TTC27: variants seen among roughly 807,000 people sequenced by gnomAD.
TTC27 encodes the protein tetratricopeptide repeat protein 27.
Under a neutral mutation model 115.9 loss-of-function variants are expected in TTC27, and 79 were observed. That is an observed-to-expected ratio of 0.68 (90% confidence interval 0.57 to 0.82). The LOEUF is 0.82. TTC27 is among the 40% of genes least tolerant of loss of function. The pLI is 0.00. For missense variants in TTC27, 1,054 were observed against 993.1 expected (o/e 1.06, Z -0.82); for synonymous variants, 401 against 356.0 (o/e 1.13, Z -1.42).
Position 32,640,316 on chromosome 2 carries a change from G to A in TTC27, c.443G>A (p.Gly148Asp). The A allele has an allele frequency of 1.2e-6, 2 of 1,614,064 alleles. No homozygotes were observed. The highest frequency in any genetic ancestry group is 1.7e-6 in the Non-Finnish European group (2 of 1,180,000). ...AFVLSLLTLDGESIYSLTSKP... is the reference protein window; with the variant it reads ...AFVLSLLTLDDESIYSLTSKP... ...GTTCTGAGCCTGCTCACTCTAGATG[G>A]TGAATCAATCTACAGCCTGACCTCG... Residue 148 changes from glycine to aspartate, a missense_variant, in exon 4 of 20, where the codon GGT becomes GAT. By Grantham distance (94) the Gly-to-Asp change is moderately conservative. Coordinates refer to ENST00000317907, the MANE Select transcript of TTC27 (RefSeq NM_017735.5).
intron 5 of TTC27, among the ~76,000 whole-genome samples, chr2:32,653,917 T>TGC (rs1665226545): frequency 2.6e-5 from 4 of 152,354 alleles, no homozygotes; most frequent in Admixed American, 2.6e-4. Flanking sequence ...GAGTTATCTA[T>TGC]CTTCAAAGCT....
intron 3 of TTC27, among the ~76,000 whole-genome samples, chr2:32,638,562 A>G (rs1011240393): frequency 1.3e-5 from 2 of 151,660 alleles, no homozygotes; most frequent in African/African-American, 4.9e-5. Flanking sequence ...TATTTTTAGT[A>G]GAGATGGGGT....
intron 8 of TTC27, among the ~76,000 whole-genome samples, chr2:32,675,723 G>A (rs144369287): frequency 3.9e-5 from 6 of 152,172 alleles, no homozygotes; most frequent in East Asian, 3.9e-4. Context: ...CCCATGAAGA[G>A]GTGACTTAGA....
chr2:32,685,637 T>C (rs997618554), intron 9 of TTC27, among the ~76,000 whole-genome samples: 1 of 152,130 alleles, frequency 6.6e-6, no homozygotes, highest in Non-Finnish European at 1.5e-5. Context: ...AACCAAATGA[T>C]TATCTTAATA....
intron 18 of TTC27, 76 bp from the exon 19 acceptor site, chr2:32,817,381 A>G (rs1245070125): frequency 8.3e-6 from 10 of 1,209,790 alleles, no homozygotes; most frequent in Admixed American, 4.0e-5. Flanking sequence ...AATTCTAATT[A>G]AATAATTGGC....
intron 15 of TTC27, among the ~76,000 whole-genome samples, chr2:32,782,999 C>A (rs1362953567): frequency 6.6e-6 from 1 of 152,108 alleles, no homozygotes; most frequent in Admixed American, 6.5e-5. Context: ...ACTCAGTTGA[C>A]AGTTATTTTT....
chr2:32,656,096 C>T (rs1665305277), intron 5 of TTC27, among the ~76,000 whole-genome samples: 1 of 147,778 alleles, frequency 6.8e-6, no homozygotes, highest in Non-Finnish European at 1.5e-5. Context: ...TTCATAATGT[C>T]TTTTTTTTTT....
intron 7 of TTC27, among the ~76,000 whole-genome samples, chr2:32,668,569 CCTT>C (rs1282380330): frequency 4.4e-4 from 50 of 113,588 alleles, no homozygotes; most frequent in African/African-American, 1.6e-3. Flanking sequence ...TCCCTTCCTT[CCTT>C]CCTTCCTTCC....
At chr2:32,693,462 T>C (rs762491229) in intron 9 of TTC27, among the ~76,000 whole-genome samples, 2 of 152,200 alleles carry the variant, frequency 1.3e-5, no homozygotes, top group Non-Finnish European at 2.9e-5. Flanking sequence ...AAGTTATTTT[T>C]ATGCTCTTTA....
chr2:32,771,178 A>C (rs1669817843), intron 13 of TTC27, among the ~76,000 whole-genome samples: 2 of 152,222 alleles, frequency 1.3e-5, no homozygotes, highest in South Asian at 4.1e-4. Flanking sequence ...GCTTTTAAAT[A>C]ATGGAGTTTA....
chr2:32,633,224 T>G (rs1317093692), intron 2 of TTC27, among the ~76,000 whole-genome samples: 1 of 152,198 alleles, frequency 6.6e-6, no homozygotes, highest in Non-Finnish European at 1.5e-5. Flanking sequence ...AAGATAATTT[T>G]CCGTGGAGAT....
intron 9 of TTC27, among the ~76,000 whole-genome samples, chr2:32,689,453 A>G (rs998579336): frequency 2.6e-5 from 4 of 152,180 alleles, no homozygotes; most frequent in African/African-American, 7.2e-5. Context: ...AAACTATTCA[A>G]TTTACCTAAT....
At chr2:32,807,521 C>T (rs1292041726) in intron 16 of TTC27, among the ~76,000 whole-genome samples, 2 of 152,204 alleles carry the variant, frequency 1.3e-5, no homozygotes, top group African/African-American at 2.4e-5. Context: ...CACTACTTCT[C>T]TTTCTCATCA....
At position 32,777,980 on chromosome 2, in the gene TTC27, T is replaced by A. The variant is rs1670054634; in HGVS notation, c.1779T>A (p.Asp593Glu). 6.2e-7 allele frequency: 1 copy of A among 1,614,048 alleles called. No individual in the cohort carries two copies. Among genetic ancestry groups the A allele is most frequent in the African/African-American group, 1.3e-5 (1 of 75,054 alleles). ...AFQRCVTLEP[D>E]NAEAWNNLST... ...AGCGCTGTGTGACTCTAGAACCCGA[T>A]GTAAGTTTGTTTGATCTTCTGTCCT... The change falls in exon 14 of 20, where the codon GAT becomes GAA. Residue 593 changes from aspartate (D) to glutamate (E), a missense_variant and splice_region_variant. By Grantham distance (45) the Asp-to-Glu change is conservative (BLOSUM62 2). Transcript: ENST00000317907.
At chr2:32,820,257 A>G (rs1004041924) in intron 19 of TTC27, among the ~76,000 whole-genome samples, 1 of 152,188 alleles carries the variant, frequency 6.6e-6, no homozygotes, top group Non-Finnish European at 1.5e-5. Flanking sequence ...GGCATTTCCA[A>G]ATGTTTTCAG....
In TTC27 at chr2:32,780,942, C is replaced by T. The variant is rs779286932; in HGVS notation, c.1780-1684C>T. Among the ~76,000 whole-genome samples the T allele has an allele frequency of 4.0e-5, 6 of 150,502 alleles. No homozygotes were observed. In the East Asian group the frequency reaches 7.8e-4, roughly 19 times the overall value. On this transcript the variant is annotated intron_variant, in intron 14 of 19. Transcript: ENST00000317907. ...GAGAAGAAAGAATTGCAATTTGGGG[C>T]GTATATGCATGCCAGGTAGTCTTTG...
At chr2:32,756,532 T>TATCA (rs1669238356) in intron 12 of TTC27, among the ~76,000 whole-genome samples, 1 of 152,194 alleles carries the variant, frequency 6.6e-6, no homozygotes. Context: ...ATACACAACC[T>TATCA]GAACTATATC....
chr2:32,636,656 C>A (rs115463836), intron 3 of TTC27, among the ~76,000 whole-genome samples: 1 of 152,120 alleles, frequency 6.6e-6, no homozygotes, highest in East Asian at 1.9e-4. Flanking sequence ...GGTTCCAAAT[C>A]CAGTACTCTT....
At chr2:32,717,341 C>T (rs182668483) in intron 10 of TTC27, among the ~76,000 whole-genome samples, 1 of 152,158 alleles carries the variant, frequency 6.6e-6, no homozygotes, top group East Asian at 1.9e-4. Context: ...TGTGAGTGTA[C>T]TGATTATTGA....
Sources: gnomAD v4.1 joint callset for allele counts (sites outside exome capture counted in the v4.1 genomes callset) on GRCh38, gnomAD v4.1.1 for gene constraint, MANE v1.5 for transcripts, NCBI Gene and HGNC (gene_info 2026-07-23, HGNC 2026-07-21) for gene names.